SLC17A3: variants seen among roughly 807,000 people sequenced by gnomAD.
The protein encoded by SLC17A3 is solute carrier family 17 member 3.
In SLC17A3, 61 loss-of-function variants were observed where a neutral mutation model predicts 60.3. The ratio of observed to expected loss-of-function variants is 1.01; its 90% CI spans 0.82 to 1.25. The LOEUF (loss-of-function observed/expected upper bound fraction) is 1.25, where lower values mean the gene tolerates loss of function less well. Among genes scored for constraint, SLC17A3 ranks in the 50% most tolerant of loss-of-function variants. The pLI, the probability that SLC17A3 is intolerant of heterozygous loss-of-function variation, is 0.00. For missense variants in SLC17A3, 624 were observed against 594.9 expected (o/e 1.05, Z -0.51); for synonymous variants, 192 against 208.9 (o/e 0.92, Z 0.70).
At chr6:25,855,585 A>G (rs550595744) in intron 5 of SLC17A3, among the ~76,000 whole-genome samples, 5 of 152,180 alleles carry the variant, frequency 3.3e-5, no homozygotes, top group Non-Finnish European at 7.3e-5. Context: ...AAAATTAACC[A>G]TTAGTAACAA....
chr6:25,872,897 T>C (rs1765668495), intron 1 of SLC17A3, among the ~76,000 whole-genome samples: 1 of 152,022 alleles, frequency 6.6e-6, no homozygotes, highest in South Asian at 2.1e-4. Context: ...CACATGACAG[T>C]CTACCACCTG....
rs1162485708 is a variant in SLC17A3, at chr6:25,862,251, T to C, written c.285A>G (p.Pro95=). 1.2e-6 allele frequency: 2 copies of C among 1,613,494 alleles called. No individual in the cohort carries two copies. Among genetic ancestry groups the C allele is most frequent in the Non-Finnish European group, 1.7e-6 (2 of 1,179,506 alleles). ...VDSFGGLSKA[P]KSLPAKAPVY... ...TGCTTACCTTTGCAGGAAGACTCTTTGGGGCTTTACTTAGGCCACCAAATG... is the reference window on the plus strand; with the variant it reads ...TGCTTACCTTTGCAGGAAGACTCTTCGGGGCTTTACTTAGGCCACCAAATG... The change falls in exon 3 of 13, where the codon CCA becomes CCG. Residue 95 remains proline, a synonymous_variant. Transcript: ENST00000397060.
In SLC17A3 at chr6:25,862,399, T is replaced by C; in HGVS notation, c.137A>G (p.His46Arg). The change falls in exon 3 of 13, where the codon CAT becomes CGT. Residue 46 changes from histidine (H) to arginine (R), a missense_variant. His to Arg is a conservative substitution (Grantham distance 29). Coordinates refer to ENST00000397060, the MANE Select transcript of SLC17A3 (RefSeq NM_001098486.2). ...TGCTATCGTTGTGAAATTGCAGAAA[T>C]GTAAGACGAGGGCTATTCCATAGCG... ...SARYGIALVL[H>R]FCNFTTIAQN... 6 of 1,613,700 alleles carry C rather than the reference T, an allele frequency of 3.7e-6. 1 individual carries two copies. In the South Asian group the frequency reaches 6.6e-5, roughly 18 times the overall value.
Position 25,855,149 on chromosome 6 carries a change from A to T in SLC17A3, c.707T>A (p.Ile236Asn). The T allele has an allele frequency of 6.2e-7, 1 of 1,606,704 alleles. No homozygotes were observed. The highest frequency in any genetic ancestry group is 8.5e-7 in the Non-Finnish European group (1 of 1,173,458). ...ACTGGGAGATAGTAGCTTACCAAAG[A>T]TATAGAAGACAAAGGGCCACCCAAG... is the stretch of plus-strand genomic sequence containing the variant. ...ETLGWPFVFY[I>N]FGGVGCVCCL... The change falls in exon 6 of 13, where the codon ATC (isoleucine) becomes AAC (asparagine). Residue 236 changes from isoleucine to asparagine, a missense_variant. By Grantham distance (149) the Ile-to-Asn change is moderately radical. Coordinates refer to ENST00000397060, the MANE Select transcript of SLC17A3 (RefSeq NM_001098486.2).
chr6:25,867,828 TACAAC>T (rs1319472841), intron 2 of SLC17A3, among the ~76,000 whole-genome samples: 1 of 151,902 alleles, frequency 6.6e-6, no homozygotes, highest in African/African-American at 2.4e-5. Context: ...TTAGAAAATA[TACAAC>T]ACAATACATA....
intron 5 of SLC17A3, among the ~76,000 whole-genome samples, chr6:25,855,458 C>T (rs1765343878): frequency 6.6e-6 from 1 of 152,166 alleles, no homozygotes; most frequent in Non-Finnish European, 1.5e-5. Context: ...GACTGTCATA[C>T]TTCCTCTCAT....
rs1009126776 is a variant in SLC17A3, at chr6:25,845,148, C to CA, written c.*152dup. The CA allele has an allele frequency of 1.6e-4, 76 of 473,624 alleles. No homozygotes were observed. The highest frequency in any genetic ancestry group is 2.1e-4 in the Non-Finnish European group (54 of 262,296). The allele number at this position is 473,624 out of a possible 1,614,324, so 29.3% of individuals were successfully genotyped here. A position where few individuals can be genotyped will look rare whatever the true frequency, so the allele number is the denominator to read the frequency against. The stretch of plus-strand genomic sequence containing the variant: ...ATTTTTATTCATCTTACATTTCTCT[C>CA]AAAAAAAAGTCTGAATAAAATAATG... On this transcript the variant is annotated 3_prime_UTR_variant, in exon 13 of 13. Transcript: ENST00000397060.
At chr6:25,849,125 C>G (rs993863118) in intron 11 of SLC17A3, among the ~76,000 whole-genome samples, 5 of 152,104 alleles carry the variant, frequency 3.3e-5, no homozygotes, top group Non-Finnish European at 7.4e-5. Flanking sequence ...AATCATTATC[C>G]CAAGACACCT....
intron 11 of SLC17A3, 48 bp from the exon 12 acceptor site, chr6:25,845,564 T>G: frequency 6.3e-7 from 1 of 1,598,402 alleles, no homozygotes; most frequent in South Asian, 1.1e-5. Flanking sequence ...CATATTTTCC[T>G]ATGAAACATT....
At chr6:25,848,773 G>T (rs1392156080) in intron 11 of SLC17A3, among the ~76,000 whole-genome samples, 2 of 152,100 alleles carry the variant, frequency 1.3e-5, no homozygotes, top group African/African-American at 4.8e-5. Context: ...AAGAGCTTTT[G>T]CACAGCAAAA....
At chr6:25,858,722 G>A (rs566528297) in intron 5 of SLC17A3, among the ~76,000 whole-genome samples, 5 of 151,912 alleles carry the variant, frequency 3.3e-5, no homozygotes, top group African/African-American at 1.2e-4. Context: ...TTCTCATGTC[G>A]CTACCAAATT....
chr6:25,846,048 C>A (rs1001244066), intron 11 of SLC17A3, among the ~76,000 whole-genome samples: 2 of 152,156 alleles, frequency 1.3e-5, no homozygotes, highest in Non-Finnish European at 2.9e-5. Context: ...ATGCATACAT[C>A]ACACACTTAA....
chr6:25,852,346 A>C (rs983725937), intron 6 of SLC17A3, among the ~76,000 whole-genome samples: 5 of 152,054 alleles, frequency 3.3e-5, no homozygotes, highest in Non-Finnish European at 7.4e-5. Flanking sequence ...CTTGGGCTTG[A>C]GGTTCATTGA....
chr6:25,867,644 C>T (rs915929439), intron 2 of SLC17A3, among the ~76,000 whole-genome samples: 2 of 151,802 alleles, frequency 1.3e-5, no homozygotes, highest in African/African-American at 2.4e-5. Context: ...GAAAACCCTA[C>T]AAATTAAATA....
chr6:25,855,431 C>T (rs976480594), intron 5 of SLC17A3, among the ~76,000 whole-genome samples: 2 of 152,086 alleles, frequency 1.3e-5, no homozygotes, highest in African/African-American at 4.8e-5. Context: ...CTGGTAGTTC[C>T]CTATAACATA....
chr6:25,862,588 A>C, intron 2 of SLC17A3, 144 bp from the exon 3 acceptor site: 1 of 751,426 alleles, frequency 1.3e-6, no homozygotes, highest in Non-Finnish European at 2.3e-6. Context: ...TATGAAAGGA[A>C]GATACAAAAG....
Position 25,861,659 on chromosome 6 carries a change from T to C in SLC17A3, c.590A>G (p.Gln197Arg). The C allele has an allele frequency of 6.2e-7, 1 of 1,614,098 alleles. No individual in the cohort carries two copies. Residue 197 changes from glutamine (Q) to arginine (R), a missense_variant, in exon 5 of 13, where the codon CAA becomes CGA. Transcript: ENST00000397060. ...AATGCTGCAGAGTCTGCTTCGTTCT[T>C]GTGGAGGGCCCCACTTTTCCCAAAT... Reference protein sequence around the residue: ...FAIWEKWGPPQERSRLCSIAL... With the variant: ...FAIWEKWGPPRERSRLCSIAL...
At chr6:25,864,465 A>G (rs1765502873) in intron 2 of SLC17A3, among the ~76,000 whole-genome samples, 1 of 152,042 alleles carries the variant, frequency 6.6e-6, no homozygotes, top group South Asian at 2.1e-4. Flanking sequence ...TCATGGCAGT[A>G]GCTAAGATGT....
At chr6:25,853,861 TTCTC>T (rs1186643618) in intron 6 of SLC17A3, among the ~76,000 whole-genome samples, 1 of 152,206 alleles carries the variant, frequency 6.6e-6, no homozygotes, top group African/African-American at 2.4e-5. Context: ...TGTTAAAAGT[TTCTC>T]TCTAAGCTTT....
Sources: allele counts gnomAD v4.1 joint callset (sites outside exome capture counted in the v4.1 genomes callset), GRCh38; gene constraint gnomAD v4.1.1; transcripts MANE v1.5; gene names NCBI Gene and HGNC (gene_info 2026-07-23, HGNC 2026-07-21).